The following BRWD3 variants were observed in gnomAD, a reference collection of about 807,000 sequenced individuals.
BRWD3 encodes the protein bromodomain and WD repeat-containing protein 3.
A neutral mutation model predicts 149.7 loss-of-function variants in BRWD3; 10 were observed. The observed-to-expected ratio is 0.07, with a 90% confidence interval of 0.04 to 0.11. The LOEUF is 0.11. Among genes scored for constraint, BRWD3 ranks in the 10% least tolerant of loss-of-function variants. The pLI is 1.00. For missense variants in BRWD3, 940 were observed against 1,373.2 expected (o/e 0.68, Z 4.99); for synonymous variants, 504 against 456.7 (o/e 1.10, Z -1.32).
intron 27 of BRWD3, 135 bp from the exon 28 acceptor site, chrX:80,693,186 A>G: frequency 2.1e-6 from 1 of 473,391 alleles, no homozygotes; most frequent in Non-Finnish European, 3.7e-6. Flanking sequence ...GGTTTTCGGG[A>G]TAAGTGATTA....
chrX:80,699,131 C>A (rs1249797221), intron 25 of BRWD3, among the ~76,000 whole-genome samples: 1 of 110,611 alleles, frequency 9.0e-6, no homozygotes, highest in Non-Finnish European at 1.9e-5. Context: ...AGAAGAATCA[C>A]TTGAACCCAG....
intron 6 of BRWD3, among the ~76,000 whole-genome samples, chrX:80,768,171 G>A (rs1230929218): frequency 9.0e-6 from 1 of 111,655 alleles, no homozygotes. Context: ...ATATTTTCCA[G>A]GAGAACTTCC....
chrX:80,773,007 A>G (rs1437654455), intron 6 of BRWD3, among the ~76,000 whole-genome samples: 3 of 112,221 alleles, frequency 2.7e-5, no homozygotes, highest in African/African-American at 9.7e-5. Flanking sequence ...TTCCATTGAT[A>G]GAACTTTTCT....
At chrX:80,713,035 G>A (rs1316111152) in intron 20 of BRWD3, among the ~76,000 whole-genome samples, 2 of 108,870 alleles carry the variant, frequency 1.8e-5, no homozygotes, top group Non-Finnish European at 3.8e-5. Flanking sequence ...CCAGCCCCCC[G>A]CCCGGCCAGC....
intron 4 of BRWD3, among the ~76,000 whole-genome samples, chrX:80,802,504 C>T (rs1379764262): frequency 9.6e-6 from 1 of 104,346 alleles, no homozygotes; most frequent in Non-Finnish European, 2.0e-5. Flanking sequence ...GATATCTCAT[C>T]GACTAAGAAA....
At chrX:80,766,694 G>A (rs1436418566) in intron 6 of BRWD3, among the ~76,000 whole-genome samples, 11 of 111,782 alleles carry the variant, frequency 9.8e-5, no homozygotes, top group African/African-American at 2.9e-4. Context: ...CAGCGTGATC[G>A]ATGCAGAAGA....
intron 35 of BRWD3, among the ~76,000 whole-genome samples, chrX:80,686,285 G>C (rs1185371710): frequency 2.3e-5 from 2 of 85,852 alleles, no homozygotes; most frequent in African/African-American, 8.5e-5. Flanking sequence ...GAGGGGGGAG[G>C]GATAGCATTA....
rs1468055830 is a variant in BRWD3 at position 80,674,470 on chromosome X, A to T, written c.*2139T>A. The T allele has an allele frequency of 1.8e-5, 2 of 111,733 alleles. No homozygotes were observed. The highest frequency in any genetic ancestry group is 3.8e-5 in the Non-Finnish European group (2 of 53,057). 9.2% of individuals were successfully genotyped at this position (111,733 alleles called of 1,213,427 possible). On this transcript the variant is annotated 3_prime_UTR_variant, in exon 41 of 41. Coordinates refer to ENST00000373275, the MANE Select transcript of BRWD3 (RefSeq NM_153252.5). ...TGATCCATATTTGGGTATATCCAGG[A>T]ATTTAAGTAACTATGTTACTTAGAT...
chrX:80,727,174 T>C (rs1425957026), intron 14 of BRWD3, among the ~76,000 whole-genome samples: 1 of 110,729 alleles, frequency 9.0e-6, no homozygotes, highest in African/African-American at 3.3e-5. Flanking sequence ...ACCACACAAA[T>C]CTAAATTATC....
chrX:80,703,095 G>A (rs766189645), intron 24 of BRWD3, among the ~76,000 whole-genome samples: 1 of 111,041 alleles, frequency 9.0e-6, no homozygotes, highest in East Asian at 2.8e-4. Context: ...ATACCTTCTT[G>A]TATACTTTCT....
intron 6 of BRWD3, among the ~76,000 whole-genome samples, chrX:80,749,658 C>A (rs905725164): frequency 9.1e-6 from 1 of 110,407 alleles, no homozygotes; most frequent in Non-Finnish European, 1.9e-5. Context: ...TCAAAAATGT[C>A]CATTCTACCC....
At chrX:80,781,629 AAT>A (rs1317737297) in intron 6 of BRWD3, among the ~76,000 whole-genome samples, 1 of 111,590 alleles carries the variant, frequency 9.0e-6, no homozygotes, top group Non-Finnish European at 1.9e-5. Context: ...AATGTTTAAA[AAT>A]ACAGTCTTAT....
chrX:80,682,130 T>C (rs2072457212), intron 38 of BRWD3, 36 bp from the exon 39 acceptor site: 3 of 1,106,688 alleles, frequency 2.7e-6, no homozygotes, highest in Admixed American at 2.2e-5. Flanking sequence ...AGCATTTTTT[T>C]TTTTCTGTTA....
chrX:80,700,184 A>G, intron 24 of BRWD3, 120 bp from the exon 25 acceptor site: 1 of 545,453 alleles, frequency 1.8e-6, no homozygotes, highest in East Asian at 3.7e-5. Context: ...ATATTGAAAG[A>G]CTTTATACAA....
Position 80,703,591 on chromosome X carries a change from T to C in BRWD3, c.2724A>G (p.Lys908=), listed in dbSNP as rs754909352. Residue 908 remains lysine, a splice_region_variant and synonymous_variant, in exon 24 of 41, where the codon AAA becomes AAG. Transcript: ENST00000373275. ...CACCTGCTATAGAAACCAGTCCTCC[T>C]TTCTAAAACATAAATACACGAAAAG... The part of the protein sequence containing the change: ...QKKPKQTRKK[K]GGLVSIAGEP... 5 of 1,177,781 alleles carry C rather than the reference T, an allele frequency of 4.2e-6. No homozygotes were observed. Among genetic ancestry groups the C allele is most frequent in the Non-Finnish European group, 5.8e-6 (5 of 867,978 alleles).
At chrX:80,720,894 A>G (rs2073141893) in intron 17 of BRWD3, among the ~76,000 whole-genome samples, 3 of 112,045 alleles carry the variant, frequency 2.7e-5, no homozygotes, top group Admixed American at 1.9e-4. Context: ...TGTATGTATA[A>G]CTGTCTATGG....
chrX:80,775,269 T>C (rs1291294120), intron 6 of BRWD3, among the ~76,000 whole-genome samples: 1 of 111,767 alleles, frequency 8.9e-6, no homozygotes, highest in Non-Finnish European at 1.9e-5. Flanking sequence ...ATAGAGGATG[T>C]AGAATAATTG....
chrX:80,699,168 T>C (rs185696207), intron 25 of BRWD3, among the ~76,000 whole-genome samples: 93 of 110,703 alleles, frequency 8.4e-4, no homozygotes, highest in African/African-American at 2.9e-3. Flanking sequence ...TGAGCCGAGA[T>C]AGGGCCACTG....
intron 24 of BRWD3, among the ~76,000 whole-genome samples, chrX:80,700,647 G>GA (rs1415684838): frequency 1.9e-5 from 2 of 105,475 alleles, no homozygotes; most frequent in African/African-American, 6.9e-5. Flanking sequence ...TGACGCAGGA[G>GA]AATCACTTGA....
Sources: gnomAD v4.1 joint callset for allele counts (sites outside exome capture counted in the v4.1 genomes callset) on GRCh38, gnomAD v4.1.1 for gene constraint, MANE v1.5 for transcripts, NCBI Gene and HGNC (gene_info 2026-07-23, HGNC 2026-07-21) for gene names.